The following SMOC2 variants were observed in gnomAD, a reference collection of about 807,000 sequenced individuals.
The protein encoded by SMOC2 is SPARC related modular calcium binding 2, also known as SPARC-related modular calcium-binding protein 2.
In SMOC2, 39 loss-of-function variants were observed where a neutral mutation model predicts 61.4. That is an observed-to-expected ratio of 0.64 (90% CI 0.49 to 0.83). The LOEUF is 0.83. Ranked by LOEUF, SMOC2 falls within the 40% of genes least tolerant of loss-of-function variation. The pLI, the probability that SMOC2 is intolerant of heterozygous loss-of-function variation, is 0.00. For synonymous variants in SMOC2, 247 were observed against 239.9 expected (o/e 1.03, Z -0.27); for missense variants, 556 against 592.9 (o/e 0.94, Z 0.65).
chr6:168,444,485 G>C (rs1459622982), intron 1 of SMOC2, among the ~76,000 whole-genome samples: 1 of 152,048 alleles, frequency 6.6e-6, no homozygotes, highest in Non-Finnish European at 1.5e-5. Context: ...TTTAGAAATG[G>C]CACCATGAGG....
chr6:168,638,291 G>C (rs1786799209), intron 9 of SMOC2, among the ~76,000 whole-genome samples: 1 of 152,122 alleles, frequency 6.6e-6, no homozygotes, highest in African/African-American at 2.4e-5. Context: ...TTTTGACTTT[G>C]GTTTTCACCA....
intron 4 of SMOC2, among the ~76,000 whole-genome samples, chr6:168,542,253 G>A (rs1562337512): frequency 6.6e-6 from 1 of 152,114 alleles, no homozygotes; most frequent in Non-Finnish European, 1.5e-5. Flanking sequence ...GCTTCAGGAG[G>A]TGGCCACACA....
intron 7 of SMOC2, among the ~76,000 whole-genome samples, chr6:168,567,875 G>A (rs539089599): frequency 1.5e-4 from 21 of 141,386 alleles, no homozygotes; most frequent in Admixed American, 3.6e-4. Flanking sequence ...AATTTAGTGC[G>A]TCTTCGCTTC....
intron 11 of SMOC2, among the ~76,000 whole-genome samples, chr6:168,660,266 T>C (rs1787475243): frequency 6.6e-6 from 1 of 152,138 alleles, no homozygotes; most frequent in African/African-American, 2.4e-5. Context: ...AGACAATCTC[T>C]TTGGAAGGTG....
intron 7 of SMOC2, among the ~76,000 whole-genome samples, chr6:168,589,474 C>T (rs1319452555): frequency 6.6e-6 from 1 of 152,244 alleles, no homozygotes; most frequent in Non-Finnish European, 1.5e-5. Context: ...GTGGCACACT[C>T]AGGGCCAGGG....
intron 7 of SMOC2, among the ~76,000 whole-genome samples, chr6:168,595,249 G>T (rs868678282): frequency 6.5e-3 from 288 of 44,008 alleles, no homozygotes; most frequent in Middle Eastern, 0.02. Flanking sequence ...GAGGCCTCAC[G>T]GGCATCTTTC....
chr6:168,599,108 T>A (rs977166172), intron 8 of SMOC2, 104 bp downstream of exon 8: 3 of 999,356 alleles, frequency 3.0e-6, no homozygotes, highest in East Asian at 5.3e-5. Context: ...CGACACACAG[T>A]CACACACACA....
At chr6:168,460,022 T>C (rs1261983824) in intron 1 of SMOC2, among the ~76,000 whole-genome samples, 1 of 152,208 alleles carries the variant, frequency 6.6e-6, no homozygotes, top group Non-Finnish European at 1.5e-5. Flanking sequence ...TTTCTCTCAC[T>C]AGAATTTTGA....
At chr6:168,609,480 C>T (rs1005026176) in intron 9 of SMOC2, among the ~76,000 whole-genome samples, 5 of 152,094 alleles carry the variant, frequency 3.3e-5, no homozygotes, top group Non-Finnish European at 5.9e-5. Flanking sequence ...CAAACACACC[C>T]GTCCCTGTGC....
intron 9 of SMOC2, among the ~76,000 whole-genome samples, chr6:168,649,155 C>A (rs150243417): frequency 2.6e-5 from 4 of 152,346 alleles, no homozygotes; most frequent in Non-Finnish European, 5.9e-5. Flanking sequence ...CGTCCTCAGT[C>A]CCACTCGGCT....
At chr6:168,563,150 C>T (rs1386978849) in intron 7 of SMOC2, among the ~76,000 whole-genome samples, 1 of 152,206 alleles carries the variant, frequency 6.6e-6, no homozygotes, top group Admixed American at 6.5e-5. Flanking sequence ...GTATTCATCG[C>T]GATCTCTCTG....
chr6:168,472,183 T>G (rs2115014533), intron 1 of SMOC2, among the ~76,000 whole-genome samples: 1 of 152,340 alleles, frequency 6.6e-6, no homozygotes, highest in East Asian at 1.9e-4. Flanking sequence ...GTTTTGAGTC[T>G]TAGGTTTAGG....
intron 8 of SMOC2, among the ~76,000 whole-genome samples, chr6:168,604,009 A>T (rs1785623466): frequency 6.6e-6 from 1 of 152,244 alleles, no homozygotes; most frequent in Admixed American, 6.5e-5. Flanking sequence ...TGATCTCCCT[A>T]AGAGGCACAG....
intron 9 of SMOC2, among the ~76,000 whole-genome samples, chr6:168,637,056 G>A (rs1786758316): frequency 6.6e-6 from 1 of 151,582 alleles, no homozygotes; most frequent in Non-Finnish European, 1.5e-5. Context: ...TCCAGACGTA[G>A]ATGTGAGGGA....
intron 9 of SMOC2, among the ~76,000 whole-genome samples, chr6:168,650,228 C>A (rs1017077310): frequency 6.6e-6 from 1 of 152,156 alleles, no homozygotes; most frequent in African/African-American, 2.4e-5. Flanking sequence ...GCCCTACTGC[C>A]TCCTTTTGCT....
At chr6:168,490,072 T>C (rs1265937155) in intron 1 of SMOC2, among the ~76,000 whole-genome samples, 1 of 151,206 alleles carries the variant, frequency 6.6e-6, no homozygotes, top group Non-Finnish European at 1.5e-5. Flanking sequence ...TCACACTGTT[T>C]TAGAATGAAA....
intron 9 of SMOC2, among the ~76,000 whole-genome samples, chr6:168,612,561 C>A (rs1326321503): frequency 6.6e-6 from 1 of 150,960 alleles, no homozygotes. Context: ...GCGCTGGGTT[C>A]GTGATCTCCA....
At chr6:168,554,013 A>C (rs535075105) in intron 7 of SMOC2, among the ~76,000 whole-genome samples, 7 of 143,632 alleles carry the variant, frequency 4.9e-5, no homozygotes, top group Non-Finnish European at 7.5e-5. Context: ...GTCGGTTAAA[A>C]CTCGCGTTTG....
rs1783922358 is a variant in SMOC2, at chr6:168,543,608, T to C, written c.464-17T>C. 1 of 1,611,964 alleles carries C rather than the reference T, an allele frequency of 6.2e-7. No individual in the cohort carries two copies. The highest frequency in any genetic ancestry group is 8.5e-7 in the Non-Finnish European group (1 of 1,178,428). On this transcript the variant is annotated splice_polypyrimidine_tract_variant and intron_variant, in intron 4 of 12. Coordinates refer to ENST00000356284, the MANE Select transcript of SMOC2 (RefSeq NM_001166412.2). ...GTCCAAAATAATTTCATTTCACTCC[T>C]TATTTTCCTCTTTTAGGTTCCGTAA... is the stretch of plus-strand genomic sequence containing the variant.
Sources: gnomAD v4.1 joint callset for allele counts (sites outside exome capture counted in the v4.1 genomes callset) on GRCh38, gnomAD v4.1.1 for gene constraint, MANE v1.5 for transcripts, NCBI Gene and HGNC (gene_info 2026-07-23, HGNC 2026-07-21) for gene names.